Variants in ZNF415 observed in about 807,000 individuals in gnomAD.
ZNF415 encodes the protein zinc finger protein 415.
In ZNF415, 5 loss-of-function variants were observed where a neutral mutation model predicts 7.3. The observed-to-expected ratio is 0.69, with a 90% CI of 0.36 to 1.44. The LOEUF (loss-of-function observed/expected upper bound fraction) is 1.44, where lower values mean the gene tolerates loss of function less well. Ranked by LOEUF, ZNF415 falls within the 40% of genes most tolerant of loss-of-function variation. The pLI is 0.04. For synonymous variants in ZNF415, 207 were observed against 226.3 expected (o/e 0.91, Z 0.77); for missense variants, 628 against 664.8 (o/e 0.94, Z 0.61).
chr19:53,117,129 G>A (rs184566074), intron 2 of ZNF415, among the ~76,000 whole-genome samples: 4 of 152,268 alleles, frequency 2.6e-5, no homozygotes, highest in Admixed American at 2.6e-4. Flanking sequence ...TAGTCAAACT[G>A]TCAAAAGTCA....
At chr19:53,116,231 C>A in intron 3 of ZNF415, 82 bp downstream of exon 3, 2 of 1,494,788 alleles carry the variant, frequency 1.3e-6, no homozygotes, top group Non-Finnish European at 9.0e-7. Context: ...TCAGGTAATG[C>A]AGGGGCTCCC....
chr19:53,109,706 G>C lies in ZNF415; in HGVS notation c.339C>G (p.Ala113=). The C allele has an allele frequency of 1.9e-6, 3 of 1,613,798 alleles. No individual in the cohort carries two copies. The highest frequency in any genetic ancestry group is 2.5e-6 in the Non-Finnish European group (3 of 1,179,944). The change falls in exon 4 of 4, where the codon GCC becomes GCG. Residue 113 remains alanine (A), a synonymous_variant. Coordinates refer to ENST00000243643, the MANE Select transcript of ZNF415 (RefSeq NM_018355.4). ...DERNCNKVTT[A]PKENLTCRRD... Reference sequence around the variant, plus strand: ...TCCTACAAGTAAGATTTTCTTTTGGGGCCGTAGTCACTTTGTTGCAATTTC... The same window carrying C: ...TCCTACAAGTAAGATTTTCTTTTGGCGCCGTAGTCACTTTGTTGCAATTTC...
intron 2 of ZNF415, among the ~76,000 whole-genome samples, chr19:53,121,077 C>CAAAA (rs58307730): frequency 9.9e-5 from 4 of 40,354 alleles, no homozygotes; most frequent in Non-Finnish European, 1.3e-4. Flanking sequence ...GAGGAAGACT[C>CAAAA]AAAAAAAAAA....
intron 2 of ZNF415, among the ~76,000 whole-genome samples, chr19:53,117,672 A>G (rs1601134542): frequency 6.6e-6 from 1 of 152,294 alleles, no homozygotes; most frequent in Non-Finnish European, 1.5e-5. Context: ...AGTCTTTCCC[A>G]GAGAAGCAAA....
intron 1 of ZNF415, among the ~76,000 whole-genome samples, chr19:53,125,105 G>A (rs1471957575): frequency 6.6e-6 from 1 of 151,976 alleles, no homozygotes; most frequent in African/African-American, 2.4e-5. Context: ...GTGCAGTGGC[G>A]TGATCTCGGC....
At chr19:53,111,297 G>A (rs1014887851) in intron 3 of ZNF415, among the ~76,000 whole-genome samples, 2 of 148,076 alleles carry the variant, frequency 1.4e-5, no homozygotes, top group Admixed American at 1.3e-4. Flanking sequence ...AGGTCTGGGA[G>A]ATATAAATTT....
At chr19:53,124,769 AAC>A (rs774599626) in intron 1 of ZNF415, among the ~76,000 whole-genome samples, 1 of 152,148 alleles carries the variant, frequency 6.6e-6, no homozygotes, top group Non-Finnish European at 1.5e-5. Flanking sequence ...CCAGGGACTC[AAC>A]GGTGAAAAAA....
At chr19:53,130,651 T>G (rs2089943291) in intron 1 of ZNF415, among the ~76,000 whole-genome samples, 1 of 152,058 alleles carries the variant, frequency 6.6e-6, no homozygotes, top group Admixed American at 6.6e-5. Context: ...CAACAACACT[T>G]TTTTTGTTTG....
At chr19:53,129,928 G>A (rs993498039) in intron 1 of ZNF415, among the ~76,000 whole-genome samples, 7 of 152,058 alleles carry the variant, frequency 4.6e-5, no homozygotes, top group Non-Finnish European at 1.0e-4. Flanking sequence ...AGCCGGGTGT[G>A]GTGGCCTGTG....
intron 2 of ZNF415, chr19:53,122,456 G>A: frequency 6.5e-7 from 1 of 1,543,462 alleles, no homozygotes. Flanking sequence ...ATGCCCAGTG[G>A]ACTCTTCAGA....
chr19:53,115,361 A>C lies in ZNF415; in HGVS notation c.136+952T>G, dbSNP rs199595146. The C allele has an allele frequency of 1.2e-4, 28 of 227,478 alleles. No individual in the cohort carries two copies. In the East Asian group the frequency reaches 2.4e-3, roughly 19 times the overall value. 14.1% of individuals were successfully genotyped at this position (227,478 alleles called of 1,614,324 possible). On this transcript the variant is annotated intron_variant, in intron 3 of 3. Coordinates refer to ENST00000243643, the MANE Select transcript of ZNF415 (RefSeq NM_018355.4). ...AAAAAAAAAAGAACAACAGCAACAAATAACAGGAGAGACCACGGGAGAAGT... is the reference window on the plus strand; with the variant it reads ...AAAAAAAAAAGAACAACAGCAACAACTAACAGGAGAGACCACGGGAGAAGT...
At position 53,109,339 on chromosome 19, in the gene ZNF415, C is replaced by A. The variant is rs369308570; in HGVS notation, c.706G>T (p.Val236Leu). The A allele has an allele frequency of 1.2e-5, 19 of 1,614,056 alleles. No homozygotes were observed. The highest frequency in any genetic ancestry group is 1.5e-5 in the Non-Finnish European group (18 of 1,180,042). The change falls in exon 4 of 4, where the codon GTA becomes TTA. Residue 236 changes from valine (V) to leucine (L), a missense_variant. Coordinates refer to ENST00000243643, the MANE Select transcript of ZNF415 (RefSeq NM_018355.4). ...TATCCTTTCTCTCCAGAATGACTTA[C>A]CTGACGTACAGTCATGTGTGAGCCA... Reference protein sequence around the residue: ...NHGSHMTVRQVSHSGEKGYKC... With the variant: ...NHGSHMTVRQLSHSGEKGYKC...
chr19:53,125,940 A>C (rs928470551), intron 1 of ZNF415, among the ~76,000 whole-genome samples: 1 of 151,934 alleles, frequency 6.6e-6, no homozygotes, highest in Non-Finnish European at 1.5e-5. Context: ...CATCTCAAAA[A>C]ATAAAATAAA....
At chr19:53,113,850 C>T (rs929469248) in intron 3 of ZNF415, among the ~76,000 whole-genome samples, 1 of 152,192 alleles carries the variant, frequency 6.6e-6, no homozygotes, top group African/African-American at 2.4e-5. Flanking sequence ...ATGTGTCCAG[C>T]GCTGTCACAG....
At chr19:53,128,985 C>T (rs528862426) in intron 1 of ZNF415, among the ~76,000 whole-genome samples, 20 of 148,614 alleles carry the variant, frequency 1.3e-4, no homozygotes, top group African/African-American at 4.4e-4. Context: ...GTGATGGATG[C>T]GGAGACAGTG....
rs192915049 is a variant in ZNF415, at chr19:53,108,146, G to A, written c.*231C>T. The A allele has an allele frequency of 4.6e-4, 251 of 540,772 alleles. 1 individual carries two copies. Among genetic ancestry groups the A allele is most frequent in the African/African-American group, 3.5e-3 (183 of 52,740 alleles). 33.5% of individuals were successfully genotyped at this position (540,772 alleles called of 1,614,324 possible). On this transcript the variant is annotated 3_prime_UTR_variant, in exon 4 of 4. Transcript: ENST00000243643. The stretch of plus-strand genomic sequence containing the variant: ...TGAAGCCTCTGCCACACAGTTAGGT[G>A]TATATGATTTCTCTTTAGCATGGAC...
intron 1 of ZNF415, among the ~76,000 whole-genome samples, chr19:53,123,313 A>ACCTT (rs2088457317): frequency 6.6e-6 from 1 of 151,974 alleles, no homozygotes; most frequent in South Asian, 2.1e-4. Context: ...TCCCCTTGAG[A>ACCTT]CCTTGGTGTC....
chr19:53,123,831 CATGGTCCCG>C (rs2088563782), intron 1 of ZNF415: 1 of 350,352 alleles, frequency 2.9e-6, no homozygotes, highest in East Asian at 4.2e-5. Flanking sequence ...CCACGAAATA[CATGGTCCCG>C]CTCATCTGAG....
chr19:53,127,508 C>T (rs542958437), intron 1 of ZNF415, among the ~76,000 whole-genome samples: 9 of 152,296 alleles, frequency 5.9e-5, no homozygotes, highest in Admixed American at 2.6e-4. Flanking sequence ...TAATGATGCA[C>T]GTGCCCCAAT....
Sources: allele counts gnomAD v4.1 joint callset (sites outside exome capture counted in the v4.1 genomes callset), GRCh38; gene constraint gnomAD v4.1.1; transcripts MANE v1.5; gene names NCBI Gene and HGNC (gene_info 2026-07-23, HGNC 2026-07-21).